The following NEMP2 variants were observed in gnomAD, a reference collection of about 807,000 sequenced individuals.
NEMP2 encodes the protein UPF0571 transmembrane protein.
NEMP2 carries 53 observed loss-of-function variants against 54.2 expected under a neutral mutation model. That is an observed-to-expected ratio of 0.98 (90% confidence interval 0.78 to 1.23). NEMP2 has a LOEUF of 1.23. Ranked by LOEUF, NEMP2 falls within the 50% of genes most tolerant of loss-of-function variation. The probability of loss-of-function intolerance (pLI) is 0.00; values close to 1 mark genes in which losing one functional copy is unlikely to be tolerated. For missense variants in NEMP2, 455 were observed against 511.3 expected (o/e 0.89, Z 1.06); for synonymous variants, 197 against 190.3 (o/e 1.04, Z -0.29).
the NEMP2 span, among the ~76,000 whole-genome samples, chr2:190,560,412 T>C: frequency 2.6e-5 from 4 of 152,234 alleles, no homozygotes; most frequent in South Asian, 6.2e-4. The surrounding 1 kb of genome is among the most constrained non-coding windows in gnomAD (Gnocchi z 5.4). Flanking sequence ...CTCATCTCAG[T>C]GTGTTAAATA....
chr2:190,640,385 CTG>C, the NEMP2 span, among the ~76,000 whole-genome samples: 32,880 of 151,934 alleles, frequency 0.22, 3,667 homozygotes, highest in Non-Finnish European at 0.25. Flanking sequence ...CTCTGCAACA[CTG>C]TGATTATTTG....
the NEMP2 span, among the ~76,000 whole-genome samples, chr2:190,469,035 C>A: frequency 6.6e-6 from 1 of 152,068 alleles, no homozygotes. This position sits in a 1 kb window ranked among gnomAD's most constrained non-coding sequence, Gnocchi z 5.3. Context: ...CCACTTCAGG[C>A]CTTTGCTTAT....
At chr2:190,639,666 T>G in the NEMP2 span, among the ~76,000 whole-genome samples, 1 of 152,076 alleles carries the variant, frequency 6.6e-6, no homozygotes, top group African/African-American at 2.4e-5. Context: ...GTTTTTGTTT[T>G]TTGACGGAGT....
At chr2:190,480,739 C>A in the NEMP2 span, among the ~76,000 whole-genome samples, 1 of 152,174 alleles carries the variant, frequency 6.6e-6, no homozygotes, top group Non-Finnish European at 1.5e-5. Flanking sequence ...TCTCTCTAAG[C>A]CACAGACTCT....
chr2:190,461,361 A>T, the NEMP2 span, among the ~76,000 whole-genome samples: 1 of 152,196 alleles, frequency 6.6e-6, no homozygotes, highest in South Asian at 2.1e-4. The surrounding 1 kb of genome is among the most constrained non-coding windows in gnomAD (Gnocchi z 5.5). Flanking sequence ...CAGTCCCCCA[A>T]TTCCTCTCCT....
the NEMP2 span, among the ~76,000 whole-genome samples, chr2:190,622,112 G>C: frequency 6.6e-6 from 1 of 150,820 alleles, no homozygotes; most frequent in African/African-American, 2.4e-5. Context: ...AATAAATAAA[G>C]TGCTGAGAAG....
the NEMP2 span, among the ~76,000 whole-genome samples, chr2:190,639,741 C>A: frequency 6.6e-6 from 1 of 151,762 alleles, no homozygotes. Flanking sequence ...CTCAGCCTCC[C>A]GGGTTCAAGT....
At chr2:190,466,660 G>A in the NEMP2 span, among the ~76,000 whole-genome samples, 2 of 152,286 alleles carry the variant, frequency 1.3e-5, no homozygotes, top group East Asian at 3.9e-4. Context: ...CAGAATACAT[G>A]TTTTTATCCC....
chr2:190,448,241 A>G, the NEMP2 span, among the ~76,000 whole-genome samples: 3 of 152,334 alleles, frequency 2.0e-5, no homozygotes, highest in South Asian at 4.1e-4. Flanking sequence ...GTGGAGACCA[A>G]TTTAGCACTC....
chr2:190,608,917 T>C, the NEMP2 span: 3 of 152,210 alleles, frequency 2.0e-5, no homozygotes, highest in Non-Finnish European at 4.4e-5. This position sits in a 1 kb window ranked among gnomAD's most constrained non-coding sequence, Gnocchi z 4.9. Flanking sequence ...AAAGAAAATA[T>C]ATATAGGGTC....
chr2:190,640,229 T>C, the NEMP2 span, among the ~76,000 whole-genome samples: 2,907 of 152,288 alleles, frequency 0.019, 94 homozygotes, highest in African/African-American at 0.065. Context: ...AATGTTGTAA[T>C]AAAAATGTAT....
rs750284004 is a variant in NEMP2, at chr2:190,516,303, A to G, written c.694T>C (p.Trp232Arg). The part of the protein sequence containing the change: ...IVCQLMEDLK[W>R]LWYENRIYVL... ...TATATCCTGTTTTCATACCACAGCC[A>G]CTTCAGATCTTCCATCAACTGGCAT... Residue 232 changes from tryptophan (W) to arginine (R), a missense_variant, in exon 6 of 9, where the codon TGG becomes CGG. Transcript: ENST00000409150. The G allele has an allele frequency of 3.5e-5, 55 of 1,551,212 alleles. 1 individual carries two copies. Among genetic ancestry groups the G allele is most frequent in the South Asian group, 3.2e-4 (27 of 84,000 alleles).
chr2:190,489,766 A>AG, the NEMP2 span: 1 of 1,613,622 alleles, frequency 6.2e-7, no homozygotes, highest in South Asian at 1.1e-5. The surrounding 1 kb of genome is among the most constrained non-coding windows in gnomAD (Gnocchi z 6.6). Flanking sequence ...TTGTTTTTAT[A>AG]GGGGCTGCTG....
chr2:190,600,333 A>G, the NEMP2 span, among the ~76,000 whole-genome samples: 1 of 152,204 alleles, frequency 6.6e-6, no homozygotes, highest in Non-Finnish European at 1.5e-5. This position sits in a 1 kb window ranked among gnomAD's most constrained non-coding sequence, Gnocchi z 4.9. Context: ...GGGGAGGGTT[A>G]TCAGTGTTAG....
chr2:190,612,833 T>C, the NEMP2 span, among the ~76,000 whole-genome samples: 1 of 152,168 alleles, frequency 6.6e-6, no homozygotes, highest in African/African-American at 2.4e-5. Context: ...ATAAAAAACC[T>C]TTAAATAAGC....
the NEMP2 span, among the ~76,000 whole-genome samples, chr2:190,646,385 T>C: frequency 9.9e-5 from 15 of 152,270 alleles, no homozygotes; most frequent in African/African-American, 2.6e-4. Context: ...GTATTAGGGA[T>C]GGCATGAGTG....
the NEMP2 span, among the ~76,000 whole-genome samples, chr2:190,588,084 G>A: frequency 2.6e-5 from 4 of 152,070 alleles, no homozygotes; most frequent in Non-Finnish European, 5.9e-5. This position sits in a 1 kb window ranked among gnomAD's most constrained non-coding sequence, Gnocchi z 5.0. Flanking sequence ...GCAAAAGTTG[G>A]GCTTTTTTAT....
the NEMP2 span, among the ~76,000 whole-genome samples, chr2:190,560,951 C>G: frequency 6.6e-6 from 1 of 152,142 alleles, no homozygotes; most frequent in Non-Finnish European, 1.5e-5. The surrounding 1 kb of genome is among the most constrained non-coding windows in gnomAD (Gnocchi z 5.4). Context: ...TATCTAACAT[C>G]AGAAATCAAA....
the NEMP2 span, among the ~76,000 whole-genome samples, chr2:190,456,223 G>C: frequency 6.6e-6 from 1 of 152,096 alleles, no homozygotes; most frequent in Non-Finnish European, 1.5e-5. The surrounding 1 kb of genome is among the most constrained non-coding windows in gnomAD (Gnocchi z 5.4). Context: ...TTACAGGTGT[G>C]AGCCACCATG....
Sources: gnomAD v4.1 joint callset for allele counts (sites outside exome capture counted in the v4.1 genomes callset) on GRCh38, gnomAD v4.1.1 for gene constraint, Gnocchi (gnomAD v3.1) non-coding constraint, MANE v1.5 for transcripts, NCBI Gene and HGNC (gene_info 2026-07-23, HGNC 2026-07-21) for gene names.